PPP6R3: variants seen among roughly 807,000 people sequenced by gnomAD.
The protein encoded by PPP6R3 is serine/threonine-protein phosphatase 6 regulatory subunit 3.
A neutral mutation model predicts 110.7 loss-of-function variants in PPP6R3; 38 were observed. The ratio of observed to expected loss-of-function variants is 0.34; its 90% CI spans 0.26 to 0.45. The LOEUF is 0.45. PPP6R3 is among the 20% of genes least tolerant of loss of function. The pLI, the probability that PPP6R3 is intolerant of heterozygous loss-of-function variation, is 1.00. For synonymous variants in PPP6R3, 369 were observed against 373.5 expected (o/e 0.99, Z 0.14); for missense variants, 870 against 1,062.4 (o/e 0.82, Z 2.52).
chr11:68,557,085 C>T (rs1355269943), intron 7 of PPP6R3, among the ~76,000 whole-genome samples: 3 of 152,174 alleles, frequency 2.0e-5, no homozygotes, highest in African/African-American at 7.2e-5. Context: ...GCTGTCAGTA[C>T]CCCTCCACCT....
intron 1 of PPP6R3, among the ~76,000 whole-genome samples, chr11:68,470,074 T>C (rs2098779379): frequency 6.6e-6 from 1 of 152,246 alleles, no homozygotes; most frequent in Admixed American, 6.5e-5. Context: ...TCTTAAACAC[T>C]GTTCTACTGC....
chr11:68,476,111 C>T (rs1487641954), intron 1 of PPP6R3, among the ~76,000 whole-genome samples: 42 of 152,016 alleles, frequency 2.8e-4, no homozygotes, highest in Non-Finnish European at 4.3e-4. Flanking sequence ...CCAAGGCAGG[C>T]GGCTGGGAGG....
intron 16 of PPP6R3, among the ~76,000 whole-genome samples, chr11:68,589,424 A>C (rs957263090): frequency 6.6e-6 from 1 of 152,152 alleles, no homozygotes. Context: ...GAAGCAGAGA[A>C]ATGAGAATTA....
chr11:68,491,328 C>CTGTGTGTGTGTG (rs60972668), intron 1 of PPP6R3, among the ~76,000 whole-genome samples: 70 of 123,564 alleles, frequency 5.7e-4, no homozygotes, highest in East Asian at 7.5e-4. Context: ...GTGTCTTCAG[C>CTGTGTGTGTGTG]TGTGTGTGTG....
chr11:68,603,109 G>A (rs2099636725), intron 21 of PPP6R3, among the ~76,000 whole-genome samples: 1 of 150,486 alleles, frequency 6.6e-6, no homozygotes, highest in Non-Finnish European at 1.5e-5. Flanking sequence ...AGGGATGTAG[G>A]CGACTTGCTA....
intron 14 of PPP6R3, among the ~76,000 whole-genome samples, chr11:68,581,720 A>G (rs1355412237): frequency 6.6e-6 from 1 of 152,224 alleles, no homozygotes; most frequent in Non-Finnish European, 1.5e-5. Flanking sequence ...GAACATCCCC[A>G]TGCCCACATC....
chr11:68,595,254 T>C (rs1005781788), intron 18 of PPP6R3, among the ~76,000 whole-genome samples: 4 of 147,226 alleles, frequency 2.7e-5, no homozygotes, highest in South Asian at 4.4e-4. Flanking sequence ...TTGTTCTTCT[T>C]GTCCAGGCTG....
At chr11:68,511,080 T>TG (rs1256546814) in intron 1 of PPP6R3, among the ~76,000 whole-genome samples, 1 of 151,958 alleles carries the variant, frequency 6.6e-6, no homozygotes, top group African/African-American at 2.4e-5. Context: ...CTTTTTTTTT[T>TG]TTTTTGAGGC....
chr11:68,497,512 C>G (rs545024148), intron 1 of PPP6R3, among the ~76,000 whole-genome samples: 2 of 152,144 alleles, frequency 1.3e-5, no homozygotes, highest in East Asian at 3.9e-4. Flanking sequence ...GCTACCACGC[C>G]TGACTGATTT....
intron 15 of PPP6R3, among the ~76,000 whole-genome samples, chr11:68,584,238 T>C (rs2099571187): frequency 6.6e-6 from 1 of 152,188 alleles, no homozygotes; most frequent in African/African-American, 2.4e-5. Flanking sequence ...CTGCCTTGGC[T>C]TGCTATTAGG....
intron 1 of PPP6R3, among the ~76,000 whole-genome samples, chr11:68,518,352 A>G (rs978662682): frequency 1.4e-4 from 21 of 152,354 alleles, no homozygotes; most frequent in African/African-American, 5.0e-4. Context: ...ATGTAGTACT[A>G]CTGCCAGAAG....
chr11:68,554,766 G>A (rs1488964980), intron 7 of PPP6R3, among the ~76,000 whole-genome samples: 2 of 152,020 alleles, frequency 1.3e-5, no homozygotes, highest in East Asian at 1.9e-4. Flanking sequence ...TGTCAACATG[G>A]GCATGTATAT....
At chr11:68,545,955 G>T (rs2153679802) in intron 4 of PPP6R3, among the ~76,000 whole-genome samples, 1 of 152,356 alleles carries the variant, frequency 6.6e-6, no homozygotes, top group African/African-American at 2.4e-5. Context: ...GGTCAAACCA[G>T]TTGGTCCTGC....
Position 68,497,835 on chromosome 11 carries a change from C to T in PPP6R3, c.-157-21666C>T, listed in dbSNP as rs114643365. On this transcript the variant is annotated intron_variant, in intron 1 of 23. Coordinates refer to ENST00000393800, the MANE Select transcript of PPP6R3 (RefSeq NM_001164161.2). ...ATATCTAAGAAAGTTTTGCCTAATC[C>T]GTGGCCACAAAGATTAACTCCTGTG... 5.0e-4 allele frequency among the ~76,000 whole-genome samples: 76 copies of T among 152,136 alleles called. 1 individual carries two copies. Among genetic ancestry groups the T allele is most frequent in the African/African-American group, 1.7e-3 (69 of 41,498 alleles).
At chr11:68,541,994 G>A (rs2099318076) in intron 3 of PPP6R3, among the ~76,000 whole-genome samples, 1 of 152,102 alleles carries the variant, frequency 6.6e-6, no homozygotes, top group African/African-American at 2.4e-5. Flanking sequence ...GAGCAGAGAG[G>A]AAGTGGTAGG....
chr11:68,461,176 C>T (rs2098702779), intron 1 of PPP6R3, among the ~76,000 whole-genome samples: 2 of 150,804 alleles, frequency 1.3e-5, no homozygotes, highest in East Asian at 3.9e-4. Flanking sequence ...GCCTTCCCGC[C>T]CGCCGGCCGC....
Position 68,613,980 on chromosome 11 carries a change from C to G in PPP6R3, c.*863C>G. 12 of 984,250 alleles carry G rather than the reference C, an allele frequency of 1.2e-5. No homozygotes were observed. Among genetic ancestry groups the G allele is most frequent in the Non-Finnish European group, 1.4e-5 (12 of 829,724 alleles). 61.0% of individuals were successfully genotyped at this position (984,250 alleles called of 1,614,324 possible). Reference sequence around the variant, plus strand: ...GTTCATCTGCCTTTTAACCCATTCACCAAAATTTACCTTGTTAACAAGCAT... The same window carrying G: ...GTTCATCTGCCTTTTAACCCATTCAGCAAAATTTACCTTGTTAACAAGCAT... On this transcript the variant is annotated 3_prime_UTR_variant, in exon 24 of 24. Coordinates refer to ENST00000393800, the MANE Select transcript of PPP6R3 (RefSeq NM_001164161.2).
intron 8 of PPP6R3, 146 bp from the exon 9 acceptor site, chr11:68,564,157 T>C (rs1277403109): frequency 1.1e-5 from 9 of 796,154 alleles, no homozygotes; most frequent in Non-Finnish European, 1.8e-5. Flanking sequence ...ATTAACCCTC[T>C]TCTGCCTCAT....
chr11:68,608,461 G>A (rs963496136), intron 22 of PPP6R3, among the ~76,000 whole-genome samples: 2 of 152,222 alleles, frequency 1.3e-5, no homozygotes, highest in Non-Finnish European at 2.9e-5. Flanking sequence ...TGCTGGTGAG[G>A]AATACAGACC....
Sources: gnomAD v4.1 joint callset for allele counts (sites outside exome capture counted in the v4.1 genomes callset) on GRCh38, gnomAD v4.1.1 for gene constraint, MANE v1.5 for transcripts, NCBI Gene and HGNC (gene_info 2026-07-23, HGNC 2026-07-21) for gene names.